The following BFSP1 variants were observed in gnomAD, a reference collection of about 807,000 sequenced individuals.
BFSP1 encodes beaded filament structural protein 1.
In BFSP1, 38 loss-of-function variants were observed where a neutral mutation model predicts 43.9. That is an observed-to-expected ratio of 0.87 (90% CI 0.67 to 1.14). BFSP1 has a LOEUF of 1.14. Ranked by LOEUF, BFSP1 falls within the 50% of genes most tolerant of loss-of-function variation. BFSP1 has a pLI of 0.00. For synonymous variants in BFSP1, 352 were observed against 354.8 expected, an observed-to-expected ratio of 0.99 and a Z score of 0.09; for missense variants, 850 against 875.1, an observed-to-expected ratio of 0.97 and a Z score of 0.36.
upstream of BFSP1, among the ~76,000 whole-genome samples, chr20:17,563,394 C>A (rs1440321160): frequency 5.7e-5 from 3 of 52,526 alleles, no homozygotes; most frequent in East Asian, 1.3e-3. Context: ...TTCCTCCCTC[C>A]CTCCCTTCCT....
intron 1 of BFSP1, among the ~76,000 whole-genome samples, chr20:17,548,558 T>C (rs184812168): frequency 1.3e-4 from 20 of 152,314 alleles, no homozygotes; most frequent in African/African-American, 4.6e-4. Context: ...TTGGGGTTCT[T>C]GGGCCATTAG....
At position 17,494,338 on chromosome 20, in the gene BFSP1, G is replaced by A. The variant is rs201764439; in HGVS notation, c.1734C>T (p.Pro578=). The A allele has an allele frequency of 9.2e-5, 149 of 1,614,110 alleles. No individual in the cohort carries two copies. Among genetic ancestry groups the A allele is most frequent in the Middle Eastern group, 6.6e-4 (4 of 6,062 alleles). Residue 578 remains proline (P), a synonymous_variant, in exon 8 of 8, where the codon CCC becomes CCT. Coordinates refer to ENST00000377873, the MANE Select transcript of BFSP1 (RefSeq NM_001195.5). Reference sequence around the variant, plus strand: ...CAGGTATAGATGGTTCCTCTGCACCGGGTGTGACCATGGCACAGGGTCTCC... The same window carrying A: ...CAGGTATAGATGGTTCCTCTGCACCAGGTGTGACCATGGCACAGGGTCTCC... ...ESRRPCAMVT[P]GAEEPSIPEP...
intron 2 of BFSP1, among the ~76,000 whole-genome samples, chr20:17,521,106 T>C (rs985131672): frequency 6.6e-6 from 1 of 152,146 alleles, no homozygotes; most frequent in Non-Finnish European, 1.5e-5. Context: ...ACTTCATACG[T>C]ATATATTTGG....
At chr20:17,566,046 A>C (rs1002464134) in intron 1 of BFSP1, among the ~76,000 whole-genome samples, 2 of 141,070 alleles carry the variant, frequency 1.4e-5, no homozygotes, top group African/African-American at 5.2e-5. Flanking sequence ...TGAACTCAGG[A>C]GGCGGAGGTT....
At chr20:17,551,568 G>A (rs2034896179) in intron 1 of BFSP1, among the ~76,000 whole-genome samples, 1 of 151,758 alleles carries the variant, frequency 6.6e-6, no homozygotes, top group African/African-American at 2.4e-5. Flanking sequence ...TATCACATCT[G>A]TACCTGAAAT....
upstream of BFSP1, among the ~76,000 whole-genome samples, chr20:17,563,874 G>A (rs1042565158): frequency 1.4e-5 from 2 of 138,876 alleles, no homozygotes; most frequent in Non-Finnish European, 3.0e-5. Context: ...GTGATAGAGC[G>A]AGACCGTGTC....
intron 5 of BFSP1, among the ~76,000 whole-genome samples, chr20:17,503,492 A>AT (rs2033854314): frequency 6.6e-6 from 1 of 152,154 alleles, no homozygotes; most frequent in Non-Finnish European, 1.5e-5. Context: ...GCTCATGCTG[A>AT]TAAGTCCTAA....
intron 5 of BFSP1, among the ~76,000 whole-genome samples, chr20:17,505,066 G>C (rs2033901649): frequency 6.6e-6 from 1 of 152,094 alleles, no homozygotes; most frequent in Admixed American, 6.5e-5. Flanking sequence ...TTTAAAAAGT[G>C]ACTTTCTTTA....
At chr20:17,550,264 G>A (rs1255362011) in intron 1 of BFSP1, among the ~76,000 whole-genome samples, 6 of 152,184 alleles carry the variant, frequency 3.9e-5, no homozygotes, top group Admixed American at 2.0e-4. Flanking sequence ...ACAGAGTAGG[G>A]TGTCCTCAGA....
intron 1 of BFSP1, among the ~76,000 whole-genome samples, chr20:17,556,320 T>C (rs141422896): frequency 0.024 from 3,686 of 152,006 alleles, 66 homozygotes; most frequent in Non-Finnish European, 0.037. Context: ...CTGGGCAACA[T>C]AGCAAGACTC....
intron 7 of BFSP1, 29 bp from the exon 8 acceptor site, chr20:17,495,058 G>C: frequency 6.4e-7 from 1 of 1,562,170 alleles, no homozygotes; most frequent in Non-Finnish European, 8.7e-7. Context: ...AGAAATTCAA[G>C]TATAATTGTC....
intron 5 of BFSP1, 105 bp downstream of exon 5, chr20:17,508,784 G>A: frequency 1.8e-6 from 2 of 1,094,398 alleles, no homozygotes; most frequent in African/African-American, 1.6e-5. Flanking sequence ...CATAGGATAT[G>A]TTCAGCGTGT....
chr20:17,508,468 C>T (rs927365711), intron 5 of BFSP1, among the ~76,000 whole-genome samples: 1 of 152,200 alleles, frequency 6.6e-6, no homozygotes, highest in Non-Finnish European at 1.5e-5. Flanking sequence ...AGAAGGAAAA[C>T]AGAAGCACAG....
At chr20:17,537,007 C>T (rs965708941) in intron 1 of BFSP1, among the ~76,000 whole-genome samples, 2 of 152,142 alleles carry the variant, frequency 1.3e-5, no homozygotes, top group South Asian at 2.1e-4. Context: ...AGGGTGGACC[C>T]GTCTGTGGTG....
At chr20:17,520,210 G>GCCCCCCCCCCCCCCCCCCCCCCTCC (rs138070825) in intron 2 of BFSP1, among the ~76,000 whole-genome samples, 2 of 133,354 alleles carry the variant, frequency 1.5e-5, no homozygotes, top group Non-Finnish European at 1.6e-5. Context: ...GTTTTAACGT[G>GCCCCCCCCCCCCCCCCCCCCCCTCC]CCCCCCCACC....
At chr20:17,515,599 T>C (rs958955225) in intron 2 of BFSP1, among the ~76,000 whole-genome samples, 2 of 152,252 alleles carry the variant, frequency 1.3e-5, no homozygotes, top group Non-Finnish European at 2.9e-5. Flanking sequence ...TGATCTTGTT[T>C]GGATAGACCA....
intron 1 of BFSP1, among the ~76,000 whole-genome samples, chr20:17,552,630 G>T (rs1251174545): frequency 6.6e-6 from 1 of 152,126 alleles, no homozygotes; most frequent in Admixed American, 6.6e-5. Context: ...GTTAGACCAG[G>T]GTGATAGCAA....
intron 1 of BFSP1, 90 bp from the exon 2 acceptor site, chr20:17,524,998 ACGATGCCCTCT>A: frequency 8.8e-7 from 1 of 1,137,810 alleles, no homozygotes; most frequent in East Asian, 2.3e-5. Flanking sequence ...CAACCTGGGT[ACGATGCCCTCT>A]CCTTTAAGGA....
At chr20:17,545,565 A>G (rs1242102590) in intron 1 of BFSP1, among the ~76,000 whole-genome samples, 1 of 152,012 alleles carries the variant, frequency 6.6e-6, no homozygotes, top group Non-Finnish European at 1.5e-5. Flanking sequence ...GCCAGAGTGA[A>G]AACATTTTAA....
Sources: gnomAD v4.1 joint callset for allele counts (sites outside exome capture counted in the v4.1 genomes callset) on GRCh38, gnomAD v4.1.1 for gene constraint, MANE v1.5 for transcripts, NCBI Gene and HGNC (gene_info 2026-07-23, HGNC 2026-07-21) for gene names.